The following ZNF431 variants were observed in gnomAD, a reference collection of about 807,000 sequenced individuals.
The protein encoded by ZNF431 is zinc finger protein 431.
Under a neutral mutation model 57.0 loss-of-function variants are expected in ZNF431, and 34 were observed. That is an observed-to-expected ratio of 0.60 (90% CI 0.45 to 0.79). ZNF431 has a LOEUF of 0.79. Ranked by LOEUF, ZNF431 falls within the 30% of genes least tolerant of loss-of-function variation. ZNF431 has a pLI of 0.00. For missense variants in ZNF431, 607 were observed against 667.1 expected, an observed-to-expected ratio of 0.91 and a Z score of 0.99; for synonymous variants, 207 against 220.3, an observed-to-expected ratio of 0.94 and a Z score of 0.54.
chr19:21,150,405 C>T, intron 2 of ZNF431: 1 of 308,206 alleles, frequency 3.2e-6, no homozygotes, highest in East Asian at 8.9e-5. Flanking sequence ...GTTGGAGCCA[C>T]CTTCTTCCCC....
At chr19:21,145,034 T>G (rs1367938620) in intron 2 of ZNF431, among the ~76,000 whole-genome samples, 4 of 152,084 alleles carry the variant, frequency 2.6e-5, no homozygotes, top group African/African-American at 9.7e-5. Context: ...TTCTCTTATT[T>G]AGGTACAAAA....
At chr19:21,154,333 T>C (rs1970360939) in intron 2 of ZNF431, among the ~76,000 whole-genome samples, 1 of 152,178 alleles carries the variant, frequency 6.6e-6, no homozygotes, top group African/African-American at 2.4e-5. Flanking sequence ...TCCATGTCCC[T>C]ACAAAGGACA....
intron 2 of ZNF431, chr19:21,150,228 C>A: frequency 1.9e-6 from 1 of 527,092 alleles, no homozygotes; most frequent in East Asian, 4.5e-5. Flanking sequence ...CACTTTCAGC[C>A]GCCTATAGAG....
At chr19:21,165,978 G>T (rs1382452888) in intron 2 of ZNF431, among the ~76,000 whole-genome samples, 3 of 151,922 alleles carry the variant, frequency 2.0e-5, no homozygotes, top group East Asian at 1.9e-4. Context: ...AATTTGAGAG[G>T]TACCTTCTGA....
intron 4 of ZNF431, among the ~76,000 whole-genome samples, chr19:21,177,460 T>A (rs1971091121): frequency 6.6e-6 from 1 of 152,202 alleles, no homozygotes; most frequent in Admixed American, 6.6e-5. Context: ...TTGGATATCA[T>A]GATGCCTCCA....
chr19:21,165,433 C>G (rs1337830703), intron 2 of ZNF431, among the ~76,000 whole-genome samples: 1 of 152,148 alleles, frequency 6.6e-6, no homozygotes, highest in African/African-American at 2.4e-5. Context: ...TTGACCTTTG[C>G]ATAAAACTGA....
chr19:21,143,565 T>C lies in ZNF431; in HGVS notation c.18T>C (p.Tyr6=). 6.2e-7 allele frequency: 1 copy of C among 1,613,696 alleles called. No homozygotes were observed. Residue 6 remains tyrosine, a synonymous_variant, in exon 2 of 5, where the codon TAT becomes TAC. Transcript: ENST00000311048. MDDLK[Y]GVYPLKEASG... is the part of the protein sequence containing the mutation. ...TTCTTCCATAGGACGACTTGAAATATGGAGTGTATCCTCTCAAGGAAGCAA... is the reference window on the plus strand; with the variant it reads ...TTCTTCCATAGGACGACTTGAAATACGGAGTGTATCCTCTCAAGGAAGCAA...
chr19:21,178,343 A>G (rs188515970), intron 4 of ZNF431, among the ~76,000 whole-genome samples: 5 of 152,066 alleles, frequency 3.3e-5, no homozygotes, highest in Non-Finnish European at 7.3e-5. Flanking sequence ...AACTTCCAAT[A>G]CTATGTTAAA....
intron 3 of ZNF431, 113 bp from the exon 4 acceptor site, chr19:21,167,458 C>T (rs1970754177): frequency 1.3e-6 from 1 of 785,640 alleles, no homozygotes; most frequent in Non-Finnish European, 1.7e-6. Context: ...TGCGCCCAGC[C>T]TTTGGATTAA....
chr19:21,166,528 A>AT, intron 3 of ZNF431, 67 bp downstream of exon 3: 1 of 1,516,364 alleles, frequency 6.6e-7, no homozygotes, highest in Admixed American at 2.3e-5. Flanking sequence ...TTTTTGTAGA[A>AT]TTTTTTTGAT....
Position 21,183,053 on chromosome 19 carries a change from C to G in ZNF431, c.750C>G (p.His250Gln). The G allele has an allele frequency of 6.2e-7, 1 of 1,612,516 alleles. No individual in the cohort carries two copies. Among genetic ancestry groups the G allele is most frequent in the Admixed American group, 1.7e-5 (1 of 59,898 alleles). ...AFKWFSTLTR[H>Q]KRIHTGEKPF... ...AATGGTTCTCAACCCTTACTAGACACAAGAGAATTCATACTGGAGAGAAAC... is the reference window on the plus strand; with the variant it reads ...AATGGTTCTCAACCCTTACTAGACAGAAGAGAATTCATACTGGAGAGAAAC... The change falls in exon 5 of 5, where the codon CAC becomes CAG. Residue 250 changes from histidine (H) to glutamine (Q), a missense_variant. By Grantham distance (24) the His-to-Gln change is conservative. Transcript: ENST00000311048.
rs1016911384 is a variant in ZNF431, at chr19:21,190,211, G to C, written c.*6177G>C. The C allele has an allele frequency of 1.6e-4, 38 of 232,136 alleles. No homozygotes were observed. Among genetic ancestry groups the C allele is most frequent in the African/African-American group, 7.9e-4 (35 of 44,302 alleles). 14.4% of individuals were successfully genotyped at this position (232,136 alleles called of 1,614,324 possible). A position where few individuals can be genotyped will look rare whatever the true frequency, so the allele number is the denominator to read the frequency against. On this transcript the variant is annotated 3_prime_UTR_variant, in exon 5 of 5. Transcript: ENST00000311048. ...ATTTTTCTCATTTAAATAATAAATA[G>C]TATTCCATTATGTATATCAACCACA...
At chr19:21,163,009 G>T (rs1469248007) in intron 2 of ZNF431, among the ~76,000 whole-genome samples, 1 of 151,854 alleles carries the variant, frequency 6.6e-6, no homozygotes, top group Non-Finnish European at 1.5e-5. Context: ...TTTTAAAAAT[G>T]ACAGAGAAAC....
At position 21,158,881 on chromosome 19, in the gene ZNF431, G is replaced by A. The variant is rs562804514; in HGVS notation, c.97-7454G>A. Among the ~76,000 whole-genome samples the A allele has an allele frequency of 2.7e-4, 41 of 151,378 alleles. No individual in the cohort carries two copies. The South Asian group carries it at 4.2e-3, about 15-fold the overall frequency. On this transcript the variant is annotated intron_variant, in intron 2 of 4. Transcript: ENST00000311048. ...TGTTGAATAGGAGTTTTGAGGGAAG[G>A]CATTCTTGTCTTGTGCCAGTTTTCA...
At chr19:21,148,710 T>C (rs1316814562) in intron 2 of ZNF431, among the ~76,000 whole-genome samples, 2 of 152,212 alleles carry the variant, frequency 1.3e-5, no homozygotes, top group Non-Finnish European at 2.9e-5. Flanking sequence ...TAGTCAAAAT[T>C]AGATGTTACA....
chr19:21,184,202 T>TA lies in ZNF431; in HGVS notation c.*169dup. On this transcript the variant is annotated 3_prime_UTR_variant, in exon 5 of 5. Transcript: ENST00000311048. ...CTGTCTCTACTAAAAATACAAAAATTATCTGGGTGTGGTGGCACGTGCCTG... is the reference window on the plus strand; with the variant it reads ...CTGTCTCTACTAAAAATACAAAAATTAATCTGGGTGTGGTGGCACGTGCCTG... The TA allele has an allele frequency of 1.8e-6, 1 of 570,434 alleles. No homozygotes were observed. The highest frequency in any genetic ancestry group is 3.0e-6 in the Non-Finnish European group (1 of 336,626). The allele number at this position is 570,434 out of a possible 1,614,324, so 35.3% of individuals were successfully genotyped here.
Position 21,167,487 on chromosome 19 carries a change from C to T in ZNF431, c.224-84C>T, listed in dbSNP as rs1256424167. On this transcript the variant is annotated intron_variant, in intron 3 of 4. Transcript: ENST00000311048. Reference sequence around the variant, plus strand: ...GGATTAATTTTCTAAAATATTCTATCACATCCTTTTTACTGAGCACAGTAC... The same window carrying T: ...GGATTAATTTTCTAAAATATTCTATTACATCCTTTTTACTGAGCACAGTAC... The T allele has an allele frequency of 8.7e-6, 9 of 1,039,186 alleles. No homozygotes were observed. The South Asian group carries it at 2.3e-4, about 27-fold the overall frequency. The allele number at this position is 1,039,186 out of a possible 1,614,324, so 64.4% of individuals were successfully genotyped here.
intron 2 of ZNF431, among the ~76,000 whole-genome samples, chr19:21,157,791 G>A (rs1970459895): frequency 6.6e-6 from 1 of 151,740 alleles, no homozygotes; most frequent in South Asian, 2.1e-4. Flanking sequence ...GCCTCCCAAA[G>A]TGCTGGGATT....
In ZNF431 at chr19:21,182,817, C is replaced by T. The variant is rs775168828; in HGVS notation, c.514C>T (p.Gln172Ter). The T allele has an allele frequency of 1.5e-5, 24 of 1,613,836 alleles. No homozygotes were observed. Among genetic ancestry groups the T allele is most frequent in the Non-Finnish European group, 2.0e-5 (24 of 1,179,922 alleles). ...NELNQCLTTT[Q>*]SKIFPCDKYV... ...GCTAAACCAGTGTTTGACAACTACC[C>T]AGAGCAAAATATTTCCATGTGATAA... The change falls in exon 5 of 5, where the codon CAG becomes TAG. Residue 172 changes from glutamine to a stop codon, truncating the protein, a stop_gained. Transcript: ENST00000311048. LOFTEE classifies it high-confidence loss of function.
Sources: allele counts gnomAD v4.1 joint callset (sites outside exome capture counted in the v4.1 genomes callset), GRCh38; gene constraint gnomAD v4.1.1; transcripts MANE v1.5; gene names NCBI Gene and HGNC (gene_info 2026-07-23, HGNC 2026-07-21).